The following PCDHA1 variants were observed in gnomAD, a reference collection of about 807,000 sequenced individuals.
The protein encoded by PCDHA1 is protocadherin alpha 1.
PCDHA1 carries 42 observed loss-of-function variants against 61.3 expected under a neutral mutation model. The ratio of observed to expected loss-of-function variants is 0.69; its 90% CI spans 0.54 to 0.89. The LOEUF is 0.89. Ranked by LOEUF, PCDHA1 falls within the 40% of genes least tolerant of loss-of-function variation. The pLI, the probability that PCDHA1 is intolerant of heterozygous loss-of-function variation, is 0.00. For synonymous variants in PCDHA1, 610 were observed against 553.8 expected (o/e 1.10, Z -1.43); for missense variants, 1,256 against 1,235.3 (o/e 1.02, Z -0.25).
At chr5:140,926,713 C>G (rs1018008271) in intron 1 of PCDHA1, 16 of 944,684 alleles carry the variant, frequency 1.7e-5, no homozygotes, top group Non-Finnish European at 2.3e-5. Flanking sequence ...CTGGCCAGCC[C>G]CGGCAATGCC....
In PCDHA1 at chr5:140,812,400, C is replaced by A. The variant is rs190903365; in HGVS notation, c.2394+23716C>A. 7 of 151,904 alleles carry A rather than the reference C, an allele frequency of 4.6e-5. No homozygotes were observed. The East Asian group carries it at 1.4e-3, about 29-fold the overall frequency. 9.4% of individuals were successfully genotyped at this position (151,904 alleles called of 1,614,324 possible). On this transcript the variant is annotated intron_variant, in intron 1 of 3. Transcript: ENST00000504120. ...TTTTTTTCTTAGTCTAGCTAAGGGG[C>A]TTGTCAGTTTTGTTGTTTTTTCAAA...
intron 1 of PCDHA1, chr5:140,801,003 A>C (rs1361378619): frequency 1.4e-6 from 2 of 1,408,024 alleles, no homozygotes; most frequent in African/African-American, 2.9e-5. Flanking sequence ...GTTTAGCCAC[A>C]TGATGTCGCT....
chr5:140,835,805 C>T (rs2150245230), intron 1 of PCDHA1: 3 of 1,613,062 alleles, frequency 1.9e-6, no homozygotes, highest in Non-Finnish European at 2.5e-6. Context: ...GCTGCCACAT[C>T]TTCACTGTGT....
At chr5:140,989,863 TTCTC>T (rs2097364159) in intron 3 of PCDHA1, among the ~76,000 whole-genome samples, 1 of 151,988 alleles carries the variant, frequency 6.6e-6, no homozygotes, top group Non-Finnish European at 1.5e-5. Flanking sequence ...AGAGGAATCT[TTCTC>T]TGCCTCAGCA....
At chr5:140,835,709 C>A (rs2150242768) in intron 1 of PCDHA1, 4 of 1,613,352 alleles carry the variant, frequency 2.5e-6, no homozygotes, top group Non-Finnish European at 3.4e-6. Flanking sequence ...CTAGCGTGTC[C>A]GTGGAGGTGG....
chr5:140,869,332 G>A, intron 1 of PCDHA1: 3 of 1,613,960 alleles, frequency 1.9e-6, no homozygotes, highest in Middle Eastern at 1.7e-4. Flanking sequence ...CCTTCTGGAG[G>A]TAAATCTGCA....
intron 1 of PCDHA1, among the ~76,000 whole-genome samples, chr5:140,879,219 A>G (rs2057906971): frequency 6.6e-6 from 1 of 152,252 alleles, no homozygotes; most frequent in South Asian, 2.1e-4. Context: ...AATGAATTGA[A>G]AAAGACATAT....
At chr5:140,882,137 A>G in intron 1 of PCDHA1, 1 of 1,489,212 alleles carries the variant, frequency 6.7e-7, no homozygotes. Flanking sequence ...CCTGCAGAAA[A>G]TATAGCAGAA....
chr5:140,877,458 G>C, intron 1 of PCDHA1: 1 of 1,613,814 alleles, frequency 6.2e-7, no homozygotes, highest in Non-Finnish European at 8.5e-7. Context: ...TGACGTCCAC[G>C]GCCACGGTGC....
chr5:140,904,926 A>G (rs1459530811), intron 1 of PCDHA1, among the ~76,000 whole-genome samples: 1 of 152,130 alleles, frequency 6.6e-6, no homozygotes, highest in Admixed American at 6.5e-5. Context: ...ACTTCCTTGT[A>G]GGTTCTGGAT....
chr5:140,822,057 G>A (rs1554128419), intron 1 of PCDHA1: 1 of 1,614,224 alleles, frequency 6.2e-7, no homozygotes, highest in South Asian at 1.1e-5. Flanking sequence ...GGGAGGAGCT[G>A]TGCCGGCGGA....
chr5:140,969,225 C>G (rs782766938), intron 1 of PCDHA1: 13 of 1,614,118 alleles, frequency 8.1e-6, no homozygotes, highest in Admixed American at 1.7e-5. Flanking sequence ...CCAGGGCCTT[C>G]GGGAGCCCAA....
In PCDHA1 at chr5:140,998,789, C is replaced by T. The variant is rs920510450; in HGVS notation, c.2543-10838C>T. On this transcript the variant is annotated intron_variant, in intron 3 of 3. Transcript: ENST00000504120. ...ATGTTGGTCAGGCTGGTCTGGAACC[C>T]CTGACCTCAGGTGATCTGCCTGCCT... 4.6e-5 allele frequency among the ~76,000 whole-genome samples: 7 copies of T among 152,118 alleles called. 1 individual carries two copies. Among genetic ancestry groups the T allele is most frequent in the Admixed American group, 2.6e-4 (4 of 15,262 alleles).
At chr5:140,917,552 C>T (rs200211133) in intron 1 of PCDHA1, among the ~76,000 whole-genome samples, 1 of 152,192 alleles carries the variant, frequency 6.6e-6, no homozygotes, top group Non-Finnish European at 1.5e-5. Flanking sequence ...TTACATTTAA[C>T]TCTTTAATCC....
In PCDHA1 at chr5:140,842,931, C is replaced by T. The variant is rs1778399596; in HGVS notation, c.2394+54247C>T. Reference sequence around the variant, plus strand: ...GAGCTGCTGCAGTTCCAGGTGAGCGCGCGCGACGCGGGCGTGCCGCCTCTG... The same window carrying T: ...GAGCTGCTGCAGTTCCAGGTGAGCGTGCGCGACGCGGGCGTGCCGCCTCTG... On this transcript the variant is annotated intron_variant, in intron 1 of 3. Coordinates refer to ENST00000504120, the MANE Select transcript of PCDHA1 (RefSeq NM_018900.4). The T allele has an allele frequency of 1.9e-6, 3 of 1,594,502 alleles. 1 individual carries two copies. Among genetic ancestry groups the T allele is most frequent in the Non-Finnish European group, 2.6e-6 (3 of 1,165,448 alleles).
chr5:140,957,614 T>C (rs1208546101), intron 1 of PCDHA1, among the ~76,000 whole-genome samples: 6 of 152,134 alleles, frequency 3.9e-5, no homozygotes, highest in African/African-American at 1.4e-4. Flanking sequence ...CACAGACATA[T>C]ACATGCACAC....
At chr5:140,834,297 C>T (rs2150214922) in intron 1 of PCDHA1, 4 of 1,251,276 alleles carry the variant, frequency 3.2e-6, no homozygotes, top group African/African-American at 3.0e-5. Flanking sequence ...AATGGCCACA[C>T]ATCGAGATTG....
chr5:140,803,401 G>A (rs782279690), intron 1 of PCDHA1: 7 of 1,614,224 alleles, frequency 4.3e-6, no homozygotes, highest in African/African-American at 1.3e-5. Context: ...TGTGGGCCGG[G>A]CAAGCCCACG....
chr5:140,851,098 T>G lies in PCDHA1; in HGVS notation c.2394+62414T>G, dbSNP rs922217993. ...TAAACTGTATATTAAATAGATATTT[T>G]TTGGGTGCTGAATCAATTTTATTTA... On this transcript the variant is annotated intron_variant, in intron 1 of 3. Transcript: ENST00000504120. The G allele has an allele frequency of 1.5e-6, 2 of 1,293,414 alleles. 1 individual carries two copies. The highest frequency in any genetic ancestry group is 3.1e-5 in the African/African-American group (2 of 65,490). 80.1% of individuals were successfully genotyped at this position (1,293,414 alleles called of 1,614,324 possible).
Sources: allele counts gnomAD v4.1 joint callset (sites outside exome capture counted in the v4.1 genomes callset), GRCh38; gene constraint gnomAD v4.1.1; transcripts MANE v1.5; gene names NCBI Gene and HGNC (gene_info 2026-07-23, HGNC 2026-07-21).